Variants in ADGRA2 observed in about 807,000 individuals in gnomAD.
ADGRA2 encodes adhesion G protein-coupled receptor A2.
ADGRA2 carries 61 observed loss-of-function variants against 98.7 expected under a neutral mutation model. That is an observed-to-expected ratio of 0.62 (90% confidence interval 0.50 to 0.76). The LOEUF (loss-of-function observed/expected upper bound fraction) is 0.76. ADGRA2 is among the 30% of genes least tolerant of loss of function. The pLI is 0.00. For missense variants in ADGRA2, 1,712 were observed against 1,860.0 expected, an observed-to-expected ratio of 0.92 and a Z score of 1.46; for synonymous variants, 858 against 831.5, an observed-to-expected ratio of 1.03 and a Z score of -0.55.
intron 12 of ADGRA2, 34 bp downstream of exon 12, chr8:37,835,432 A>T (rs755886994): frequency 3.2e-6 from 5 of 1,568,028 alleles, no homozygotes; most frequent in Non-Finnish European, 4.4e-6. Flanking sequence ...GGGTGGGAGA[A>T]GGGAGGCACT....
rs141308736 is a variant in ADGRA2, at chr8:37,843,502, T to A, written c.*1147T>A. The A allele has an allele frequency of 2.0e-5, 3 of 152,320 alleles. No individual in the cohort carries two copies. In the East Asian group the frequency reaches 5.8e-4, roughly 29 times the overall value. The allele number at this position is 152,320 out of a possible 1,614,324, so 9.4% of individuals were successfully genotyped here. A position where few individuals can be genotyped will look rare whatever the true frequency, so the allele number is the denominator to read the frequency against. Reference sequence around the variant, plus strand: ...TCCTTTTAAACACCAGCACCCGTCTTTTCCCCAACCTAAAACCAACCACCA... The same window carrying A: ...TCCTTTTAAACACCAGCACCCGTCTATTCCCCAACCTAAAACCAACCACCA... On this transcript the variant is annotated 3_prime_UTR_variant, in exon 19 of 19. Coordinates refer to ENST00000412232, the MANE Select transcript of ADGRA2 (RefSeq NM_032777.10).
chr8:37,823,030 T>C (rs1300155384), intron 2 of ADGRA2, among the ~76,000 whole-genome samples: 1 of 151,908 alleles, frequency 6.6e-6, no homozygotes, highest in East Asian at 1.9e-4. Context: ...TACCTGGGAT[T>C]ACAGGCGCGC....
rs1285151239 is a variant in ADGRA2 at position 37,843,881 on chromosome 8, GTTT to G, written c.*1529_*1531del. The stretch of plus-strand genomic sequence containing the variant: ...GGAATGAAAGTGCCAAAGAAAACAT[GTTT>G]TTAAGAACTCGGGTTTTATACAATA... On this transcript the variant is annotated 3_prime_UTR_variant, in exon 19 of 19. Transcript: ENST00000412232. The G allele has an allele frequency of 1.3e-5, 2 of 152,776 alleles. No individual in the cohort carries two copies. Among genetic ancestry groups the G allele is most frequent in the Admixed American group, 6.5e-5 (1 of 15,282 alleles). The allele number at this position is 152,776 out of a possible 1,614,324, so 9.5% of individuals were successfully genotyped here. A position where few individuals can be genotyped will look rare whatever the true frequency, so the allele number is the denominator to read the frequency against.
chr8:37,806,316 T>C (rs980074500), intron 1 of ADGRA2, among the ~76,000 whole-genome samples: 19 of 152,128 alleles, frequency 1.2e-4, no homozygotes, highest in Admixed American at 1.2e-3. Context: ...AATGGATGAA[T>C]GAATGAATAC....
In ADGRA2 at chr8:37,834,088, G is replaced by C. The variant is rs748306655; in HGVS notation, c.1568G>C (p.Gly523Ala). 40 of 1,612,448 alleles carry C rather than the reference G, an allele frequency of 2.5e-5. No individual in the cohort carries two copies. The highest frequency in any genetic ancestry group is 7.7e-5 in the South Asian group (7 of 91,024). Residue 523 changes from glycine to alanine, a missense_variant, in exon 11 of 19, where the codon GGG becomes GCG. By Grantham distance (60) the Gly-to-Ala change is moderately conservative (BLOSUM62 0). Coordinates refer to ENST00000412232, the MANE Select transcript of ADGRA2 (RefSeq NM_032777.10). This position sits in a 1 kb window ranked among gnomAD's most constrained non-coding sequence, Gnocchi z 4.2. Reference sequence around the variant, plus strand: ...ATCGTGGGTGCCCTGGAGCGCATTGGGGGGGCCGCCCTCAGCCCCCATGCC... The same window carrying C: ...ATCGTGGGTGCCCTGGAGCGCATTGCGGGGGCCGCCCTCAGCCCCCATGCC... The part of the protein sequence containing the change: ...SRIVGALERI[G>A]GAALSPHAQH...
rs1224176056 is a variant in ADGRA2 at position 37,815,063 on chromosome 8, C to T, written c.338+96C>T. On this transcript the variant is annotated intron_variant, in intron 2 of 18. Coordinates refer to ENST00000412232, the MANE Select transcript of ADGRA2 (RefSeq NM_032777.10). ...GAGGAACGCTGGTCGCTGAGTGACTCCAGAACCTGCCGGCCGAGCAGGGCC... is the reference window on the plus strand; with the variant it reads ...GAGGAACGCTGGTCGCTGAGTGACTTCAGAACCTGCCGGCCGAGCAGGGCC... 5.2e-5 allele frequency: 46 copies of T among 879,862 alleles called. 1 individual carries two copies. The highest frequency in any genetic ancestry group is 6.5e-5 in the Non-Finnish European group (34 of 521,776). The allele number at this position is 879,862 out of a possible 1,614,324, so 54.5% of individuals were successfully genotyped here.
Position 37,829,476 on chromosome 8 carries a change from T to C in ADGRA2, c.483-12T>C, listed in dbSNP as rs1338397180. On this transcript the variant is annotated splice_polypyrimidine_tract_variant and intron_variant, in intron 4 of 18. Coordinates refer to ENST00000412232, the MANE Select transcript of ADGRA2 (RefSeq NM_032777.10). ...CTAAGACCCCATCTCAGTTGTCCCC[T>C]GTTCCCTGCAGAAACATATCTGGAA... The C allele has an allele frequency of 3.1e-6, 5 of 1,610,618 alleles. 1 individual carries two copies. In the South Asian group the frequency reaches 5.5e-5, roughly 18 times the overall value.
rs907320202 is a variant in ADGRA2, at chr8:37,834,764, C to T, written c.1609-410C>T. Among the ~76,000 whole-genome samples the T allele has an allele frequency of 1.3e-5, 2 of 152,006 alleles. No homozygotes were observed. Among genetic ancestry groups the T allele is most frequent in the East Asian group, 1.9e-4 (1 of 5,172 alleles). ...AAAATTACCCAGGAGTGTTGGCATG[C>T]GCCTGTGGTCCCAGCTACTCGGGAG... On this transcript the variant is annotated intron_variant, in intron 11 of 18. Coordinates refer to ENST00000412232, the MANE Select transcript of ADGRA2 (RefSeq NM_032777.10). This position sits in a 1 kb window ranked among gnomAD's most constrained non-coding sequence, Gnocchi z 4.2.
intron 13 of ADGRA2, among the ~76,000 whole-genome samples, chr8:37,836,097 A>ACACACACACACCCC (rs1245868623): frequency 3.7e-5 from 4 of 108,636 alleles, no homozygotes; most frequent in African/African-American, 1.5e-4. Context: ...ACACACACAC[A>ACACACACACACCCC]CCCCACAGGC....
rs573583528 is a variant in ADGRA2 at position 37,804,128 on chromosome 8, C to CGCACACACACACACAT, written c.266+6594_266+6595insGCACACACACACACAT. Among the ~76,000 whole-genome samples the CGCACACACACACACAT allele has an allele frequency of 2.0e-5, 3 of 149,160 alleles. No homozygotes were observed. In the Admixed American group the frequency reaches 2.0e-4, roughly 10 times the overall value. Reference sequence around the variant, plus strand: ...ACACACACACACACACACACACACACACACACACACACACACACACACACG... The same window carrying CGCACACACACACACAT: ...ACACACACACACACACACACACACACGCACACACACACACATACACACACACACACACACACACACG... On this transcript the variant is annotated intron_variant, in intron 1 of 18. Coordinates refer to ENST00000412232, the MANE Select transcript of ADGRA2 (RefSeq NM_032777.10).
intron 9 of ADGRA2, 70 bp downstream of exon 9, chr8:37,833,278 G>C: frequency 8.0e-7 from 1 of 1,246,874 alleles, no homozygotes; most frequent in Non-Finnish European, 1.1e-6. Context: ...CCAACCTAAC[G>C]GGCAAGGGGA....
At chr8:37,824,280 T>C (rs1408851562) in intron 2 of ADGRA2, among the ~76,000 whole-genome samples, 2 of 151,946 alleles carry the variant, frequency 1.3e-5, no homozygotes. Context: ...CTGCCCGCCT[T>C]GGCCACCCAG....
intron 13 of ADGRA2, among the ~76,000 whole-genome samples, chr8:37,837,253 G>A (rs1441351925): frequency 1.3e-5 from 2 of 152,224 alleles, no homozygotes; most frequent in Non-Finnish European, 2.9e-5. Context: ...CTGTGGGAGT[G>A]TGTGGGTTGA....
At chr8:37,839,133 C>T (rs2130054498) in intron 15 of ADGRA2, 50 bp downstream of exon 15, 20 of 1,605,372 alleles carry the variant, frequency 1.2e-5, no homozygotes, top group Non-Finnish European at 1.7e-5. Context: ...ATGGAAGGGG[C>T]CCCTACCCTG....
At chr8:37,811,639 G>A (rs1804836122) in intron 1 of ADGRA2, among the ~76,000 whole-genome samples, 2 of 149,112 alleles carry the variant, frequency 1.3e-5, no homozygotes, top group South Asian at 2.1e-4. Flanking sequence ...ACCACGCCTG[G>A]CTAATTTTGT....
chr8:37,816,036 G>A (rs1804971379), intron 2 of ADGRA2, among the ~76,000 whole-genome samples: 3 of 152,292 alleles, frequency 2.0e-5, no homozygotes, highest in South Asian at 4.1e-4. Context: ...CAGCGCAATG[G>A]GAGACACAAA....
chr8:37,809,539 T>C (rs774536325), intron 1 of ADGRA2, among the ~76,000 whole-genome samples: 1 of 152,194 alleles, frequency 6.6e-6, no homozygotes, highest in Non-Finnish European at 1.5e-5. Flanking sequence ...GCAATCTGCC[T>C]GAGGTCTTTC....
chr8:37,826,494 C>T (rs1426636120), intron 2 of ADGRA2, among the ~76,000 whole-genome samples: 4 of 152,224 alleles, frequency 2.6e-5, no homozygotes, highest in Non-Finnish European at 5.9e-5. Context: ...AGCCATCCCT[C>T]CTCTAGGGAA....
At chr8:37,800,975 C>T (rs559893213) in intron 1 of ADGRA2, among the ~76,000 whole-genome samples, 6 of 152,248 alleles carry the variant, frequency 3.9e-5, no homozygotes, top group African/African-American at 1.2e-4. Context: ...AAGATGGGGC[C>T]CCGGGGCACT....
Sources: allele counts gnomAD v4.1 joint callset (sites outside exome capture counted in the v4.1 genomes callset), GRCh38; gene constraint gnomAD v4.1.1; non-coding constraint Gnocchi (gnomAD v3.1); transcripts MANE v1.5; gene names NCBI Gene and HGNC (gene_info 2026-07-23, HGNC 2026-07-21).